Variants in GSTCD observed in about 807,000 individuals in gnomAD.
The protein encoded by GSTCD is glutathione S-transferase C-terminal domain-containing protein.
In GSTCD, 44 loss-of-function variants were observed where a neutral mutation model predicts 68.3. That is an observed-to-expected ratio of 0.64 (90% CI 0.51 to 0.83). The LOEUF is 0.83. Among genes scored for constraint, GSTCD ranks in the 40% least tolerant of loss-of-function variants. GSTCD has a pLI of 0.00. For synonymous variants in GSTCD, 273 were observed against 255.2 expected, an observed-to-expected ratio of 1.07 and a Z score of -0.67; for missense variants, 739 against 735.9, an observed-to-expected ratio of 1.00 and a Z score of -0.05.
intron 10 of GSTCD, among the ~76,000 whole-genome samples, chr4:105,841,120 C>T (rs1399932813): frequency 1.3e-5 from 2 of 152,110 alleles, no homozygotes; most frequent in East Asian, 3.9e-4. Context: ...TCGAAACCAG[C>T]CTGGCCAACA....
rs1724582383 is a variant in GSTCD, at chr4:105,847,230, C to T, written c.*1653C>T. 3 of 143,722 alleles carry T rather than the reference C, an allele frequency of 2.1e-5. No individual in the cohort carries two copies. The highest frequency in any genetic ancestry group is 7.9e-5 in the African/African-American group (3 of 38,152). The allele number at this position is 143,722 out of a possible 1,614,324, so 8.9% of individuals were successfully genotyped here. On this transcript the variant is annotated 3_prime_UTR_variant, in exon 12 of 12. Coordinates refer to ENST00000515279, the MANE Select transcript of GSTCD (RefSeq NM_001370181.1). ...TTTTCAACCCCTGTGTAACATGTAT[C>T]ATGAGGAGAAAGCACTATCATTGAT...
intron 5 of GSTCD, among the ~76,000 whole-genome samples, chr4:105,755,406 T>G (rs1427955968): frequency 6.6e-6 from 1 of 152,138 alleles, no homozygotes; most frequent in South Asian, 2.1e-4. Flanking sequence ...ATAAATTCCC[T>G]GACCTATATC....
chr4:105,823,059 G>A lies in GSTCD; in HGVS notation c.1346G>A (p.Cys449Tyr), dbSNP rs1388466686. ...AKPGDRIVDFCSGGGHVGIVL... is the reference protein window; with the variant it reads ...AKPGDRIVDFYSGGGHVGIVL... Reference sequence around the variant, plus strand: ...CCTGGTGACAGAATTGTGGATTTCTGCAGCGGTGGGGTATTTTATCTCTCC... The same window carrying A: ...CCTGGTGACAGAATTGTGGATTTCTACAGCGGTGGGGTATTTTATCTCTCC... Residue 449 changes from cysteine (C) to tyrosine (Y), a missense_variant, in exon 6 of 12, where the codon TGC (cysteine) becomes TAC (tyrosine). Physicochemically the swap from Cys to Tyr is radical, Grantham distance 194 (BLOSUM62 -2). Transcript: ENST00000515279. 3 of 1,612,758 alleles carry A rather than the reference G, an allele frequency of 1.9e-6. No individual in the cohort carries two copies. The highest frequency in any genetic ancestry group is 2.5e-6 in the Non-Finnish European group (3 of 1,178,814).
chr4:105,730,040 G>C (rs959531487), intron 5 of GSTCD, among the ~76,000 whole-genome samples: 4 of 152,120 alleles, frequency 2.6e-5, no homozygotes, highest in Admixed American at 6.6e-5. Flanking sequence ...ATGGTTTCCA[G>C]CTTCACCCAT....
chr4:105,837,513 A>G (rs184368718), intron 9 of GSTCD, among the ~76,000 whole-genome samples: 44 of 152,240 alleles, frequency 2.9e-4, no homozygotes, highest in Admixed American at 1.2e-3. Flanking sequence ...TATCTTTTCA[A>G]TGGCAGTCCT....
chr4:105,752,440 G>T (rs1445597138), intron 5 of GSTCD, among the ~76,000 whole-genome samples: 3 of 151,944 alleles, frequency 2.0e-5, no homozygotes, highest in Admixed American at 2.0e-4. Flanking sequence ...AATATCAAGG[G>T]TGTATTATAT....
chr4:105,735,251 C>G (rs1733417766), intron 5 of GSTCD, among the ~76,000 whole-genome samples: 1 of 151,928 alleles, frequency 6.6e-6, no homozygotes, highest in Admixed American at 6.6e-5. Flanking sequence ...GCAGAGGGTT[C>G]CGCTGTGCCC....
chr4:105,735,038 G>T (rs1055380286), intron 5 of GSTCD, among the ~76,000 whole-genome samples: 2 of 152,176 alleles, frequency 1.3e-5, no homozygotes, highest in Non-Finnish European at 1.5e-5. Context: ...CATTCCTCTG[G>T]AAGCTTCGTC....
chr4:105,804,943 C>T (rs1228748826), intron 5 of GSTCD, among the ~76,000 whole-genome samples: 3 of 152,024 alleles, frequency 2.0e-5, no homozygotes, highest in Non-Finnish European at 2.9e-5. Flanking sequence ...GCTTGCAGTT[C>T]CATCCATGTC....
At position 105,747,606 on chromosome 4, in the gene GSTCD, CAA is replaced by C. The variant is rs1578432259; in HGVS notation, c.1240+18109_1240+18110del. Reference sequence around the variant, plus strand: ...AACTTAATTCTTTTTCTGTTTTTAGCAAAGAGTAAGTCATATATAAGAGCTTG... The same window carrying C: ...AACTTAATTCTTTTTCTGTTTTTAGCAGAGTAAGTCATATATAAGAGCTTG... On this transcript the variant is annotated intron_variant, in intron 5 of 11. Transcript: ENST00000515279. Among the ~76,000 whole-genome samples the C allele has an allele frequency of 1.1e-4, 16 of 152,214 alleles. No homozygotes were observed. The South Asian group carries it at 3.3e-3, about 32-fold the overall frequency.
At chr4:105,810,357 C>T (rs1187564486) in intron 5 of GSTCD, among the ~76,000 whole-genome samples, 5 of 151,912 alleles carry the variant, frequency 3.3e-5, no homozygotes, top group Middle Eastern at 3.2e-3. Flanking sequence ...TTTGTTTGAA[C>T]GAGTGAGGAA....
In GSTCD at chr4:105,767,429, G is replaced by T. The variant is rs536057868; in HGVS notation, c.1240+37930G>T. On this transcript the variant is annotated intron_variant, in intron 5 of 11. Transcript: ENST00000515279. ...ACTGACTTTTATCTACATTAGAATCGTTTCATTAAAAAAATCTTGTTGCTT... is the reference window on the plus strand; with the variant it reads ...ACTGACTTTTATCTACATTAGAATCTTTTCATTAAAAAAATCTTGTTGCTT... 1.1e-4 allele frequency among the ~76,000 whole-genome samples: 17 copies of T among 151,992 alleles called. 1 individual carries two copies. The South Asian group carries it at 3.5e-3, about 32-fold the overall frequency.
intron 5 of GSTCD, among the ~76,000 whole-genome samples, chr4:105,812,490 A>G (rs1722795974): frequency 6.6e-6 from 1 of 152,054 alleles, no homozygotes; most frequent in African/African-American, 2.4e-5. Flanking sequence ...GTGAGCCACC[A>G]TACCTGGCTG....
chr4:105,837,841 C>CTT lies in GSTCD; in HGVS notation c.1665-11_1665-10dup. The CTT allele has an allele frequency of 9.9e-7, 1 of 1,014,342 alleles. No individual in the cohort carries two copies. The highest frequency in any genetic ancestry group is 1.5e-6 in the Non-Finnish European group (1 of 685,718). 62.8% of individuals were successfully genotyped at this position (1,014,342 alleles called of 1,614,324 possible). On this transcript the variant is annotated splice_polypyrimidine_tract_variant and intron_variant, in intron 9 of 11. Coordinates refer to ENST00000515279, the MANE Select transcript of GSTCD (RefSeq NM_001370181.1). ...TAATATTTAGAATGATGACTAATTC[C>CTT]TTTTTTTTCTATTTCAGTGAACAAT...
intron 5 of GSTCD, among the ~76,000 whole-genome samples, chr4:105,781,798 T>C (rs1156423896): frequency 6.6e-6 from 1 of 151,964 alleles, no homozygotes; most frequent in Non-Finnish European, 1.5e-5. Flanking sequence ...CTTATCTTTT[T>C]TTTCTTTTTT....
intron 5 of GSTCD, among the ~76,000 whole-genome samples, chr4:105,735,343 G>A (rs938017649): frequency 1.3e-5 from 2 of 152,152 alleles, no homozygotes; most frequent in East Asian, 1.9e-4. Flanking sequence ...CTTCCAGGCC[G>A]CTTTGTTTAC....
In GSTCD at chr4:105,825,728, T is replaced by A; in HGVS notation, c.1458T>A (p.Asp486Glu). ...LSLIRAKKRS[D>E]ELGLSNIWFI... Reference sequence around the variant, plus strand: ...TAATTCGTGCTAAGAAGAGAAGTGATGAACTGGGTTTAAGCAACATTTGGT... The same window carrying A: ...TAATTCGTGCTAAGAAGAGAAGTGAAGAACTGGGTTTAAGCAACATTTGGT... The change falls in exon 8 of 12, where the codon GAT (aspartate) becomes GAA (glutamate). Residue 486 changes from aspartate to glutamate, a missense_variant. By Grantham distance (45) the Asp-to-Glu change is conservative (BLOSUM62 2). Transcript: ENST00000515279. The A allele has an allele frequency of 6.5e-7, 1 of 1,535,576 alleles. No individual in the cohort carries two copies. The highest frequency in any genetic ancestry group is 9.0e-7 in the Non-Finnish European group (1 of 1,109,468).
chr4:105,743,009 C>T (rs759282832), intron 5 of GSTCD, among the ~76,000 whole-genome samples: 7 of 146,290 alleles, frequency 4.8e-5, no homozygotes, highest in Non-Finnish European at 1.1e-4. Context: ...GAGTGCAGTG[C>T]CGCGATCTCA....
intron 5 of GSTCD, among the ~76,000 whole-genome samples, chr4:105,781,315 T>TA (rs2149249549): frequency 6.6e-6 from 1 of 152,248 alleles, no homozygotes; most frequent in South Asian, 2.1e-4. Flanking sequence ...GTGGCACAAT[T>TA]ATAGCTCACT....
Sources: allele counts gnomAD v4.1 joint callset (sites outside exome capture counted in the v4.1 genomes callset), GRCh38; gene constraint gnomAD v4.1.1; transcripts MANE v1.5; gene names NCBI Gene and HGNC (gene_info 2026-07-23, HGNC 2026-07-21).